PSMA6: variants seen among roughly 807,000 people sequenced by gnomAD.
PSMA6 encodes the protein proteasome 20S subunit alpha 6, also known as proteasome subunit alpha type-6.
For missense variants in PSMA6, 170 were observed against 294.8 expected (o/e 0.58, Z 3.10); for synonymous variants, 88 against 97.7 (o/e 0.90, Z 0.59).
intron 1 of PSMA6, chr14:35,278,754 A>G (rs1427085239): frequency 2.0e-6 from 3 of 1,528,380 alleles, no homozygotes; most frequent in African/African-American, 1.4e-5. Flanking sequence ...CTTGAGATGT[A>G]CTATATTACT....
At chr14:35,312,780 G>T in intron 4 of PSMA6, 101 bp from the exon 5 acceptor site, 1 of 1,069,338 alleles carries the variant, frequency 9.4e-7, no homozygotes, top group Non-Finnish European at 1.3e-6. Context: ...AAAATTGATG[G>T]CCAAAGTCAT....
chr14:35,280,475 G>A (rs761901299), intron 1 of PSMA6, among the ~76,000 whole-genome samples: 65 of 150,210 alleles, frequency 4.3e-4, no homozygotes, highest in Admixed American at 2.1e-3. Context: ...TCCACCTCCC[G>A]GATTCAAGTG....
In PSMA6 at chr14:35,308,938, G is replaced by A; in HGVS notation, c.196G>A (p.Val66Met). Reference sequence around the variant, plus strand: ...GGACAAATTATTGGATTCCAGCACAGTGACTCACTTATTCAAGATAACTGA... The same window carrying A: ...GGACAAATTATTGGATTCCAGCACAATGACTCACTTATTCAAGATAACTGA... ...VPDKLLDSST[V>M]THLFKITENI... The change falls in exon 3 of 7, where the codon GTG (valine) becomes ATG (methionine). Residue 66 changes from valine to methionine, a missense_variant. By Grantham distance (21) the Val-to-Met change is conservative. Transcript: ENST00000261479. 1.2e-6 allele frequency: 2 copies of A among 1,609,300 alleles called. No homozygotes were observed. The highest frequency in any genetic ancestry group is 8.5e-7 in the Non-Finnish European group (1 of 1,177,130).
intron 1 of PSMA6, among the ~76,000 whole-genome samples, chr14:35,303,969 G>A (rs2138736379): frequency 1.3e-5 from 2 of 151,346 alleles, no homozygotes; most frequent in South Asian, 2.1e-4. Flanking sequence ...GTAAGCTAGA[G>A]ATAATTTCTT....
intron 1 of PSMA6, among the ~76,000 whole-genome samples, chr14:35,299,401 C>A (rs1404743949): frequency 1.5e-5 from 2 of 132,022 alleles, no homozygotes; most frequent in Non-Finnish European, 3.1e-5. Flanking sequence ...CGGCTTGCTG[C>A]GACCTCTGTC....
At chr14:35,312,762 C>A in intron 4 of PSMA6, 119 bp from the exon 5 acceptor site, 1 of 842,386 alleles carries the variant, frequency 1.2e-6, no homozygotes, top group Non-Finnish European at 1.8e-6. Flanking sequence ...AAGGAAAATA[C>A]ATATCCTAAA....
upstream of PSMA6, among the ~76,000 whole-genome samples, chr14:35,290,220 A>T (rs768074865): frequency 2.0e-5 from 3 of 152,226 alleles, no homozygotes; most frequent in Non-Finnish European, 4.4e-5. Context: ...GTATAGAGCC[A>T]GCTGTTGAGG....
upstream of PSMA6, among the ~76,000 whole-genome samples, chr14:35,290,902 G>C (rs2051470567): frequency 6.6e-6 from 1 of 152,078 alleles, no homozygotes; most frequent in Admixed American, 6.6e-5. Context: ...AACACTAGCT[G>C]CTCTAAGCCC....
chr14:35,292,448 A>G lies in PSMA6; in HGVS notation c.-29A>G, dbSNP rs771933800. On this transcript the variant is annotated 5_prime_UTR_variant, in exon 1 of 7. Transcript: ENST00000261479. Reference sequence around the variant, plus strand: ...GGTGCGGGAGCTACGGGGCCCAGGGATTGTGTTTAAAGTAGTGCTTCTACC... The same window carrying G: ...GGTGCGGGAGCTACGGGGCCCAGGGGTTGTGTTTAAAGTAGTGCTTCTACC... 6.2e-7 allele frequency: 1 copy of G among 1,604,602 alleles called. No individual in the cohort carries two copies.
At chr14:35,311,194 T>C (rs2051937529) in intron 4 of PSMA6, 1 of 222,050 alleles carries the variant, frequency 4.5e-6, no homozygotes, top group Non-Finnish European at 8.8e-6. Context: ...TCTACTGCAA[T>C]TCGAGATTAC....
intron 1 of PSMA6, 193 bp downstream of exon 1, chr14:35,292,745 G>A: frequency 9.0e-7 from 1 of 1,105,824 alleles, no homozygotes; most frequent in Non-Finnish European, 1.3e-6. Flanking sequence ...GGGGCCTGAA[G>A]GCCTGTCTCT....
chr14:35,314,170 TG>T (rs1391301939), intron 5 of PSMA6, 190 bp from the exon 6 acceptor site: 2 of 452,126 alleles, frequency 4.4e-6, no homozygotes, highest in Non-Finnish European at 6.9e-6. Context: ...CTTTATTATT[TG>T]ACTTGGTAGA....
intron 1 of PSMA6, among the ~76,000 whole-genome samples, chr14:35,286,878 A>AG (rs2051426368): frequency 6.6e-6 from 1 of 152,034 alleles, no homozygotes; most frequent in Non-Finnish European, 1.5e-5. Context: ...TGTTACAGAC[A>AG]AGGGGGCAGA....
In PSMA6 at chr14:35,310,883, C is replaced by T. The variant is rs763862363; in HGVS notation, c.397C>T (p.Pro133Ser). Residue 133 changes from proline to serine, a missense_variant, in exon 4 of 7, where the codon CCT becomes TCT. Physicochemically the swap from Pro to Ser is moderately conservative, Grantham distance 74 (BLOSUM62 -1). Coordinates refer to ENST00000261479, the MANE Select transcript of PSMA6 (RefSeq NM_002791.3). Reference protein sequence around the residue: ...QVYTQNAEMRPLGCCMILIGI... With the variant: ...QVYTQNAEMRSLGCCMILIGI... The stretch of plus-strand genomic sequence containing the variant: ...CTACACACAGAATGCTGAAATGAGG[C>T]CTCTTGGTTGTTGTAAGTATGCTAA... 3 of 1,613,522 alleles carry T rather than the reference C, an allele frequency of 1.9e-6. No individual in the cohort carries two copies. The highest frequency in any genetic ancestry group is 2.2e-5 in the East Asian group (1 of 44,864).
At chr14:35,291,791 C>G (rs112882828), upstream of PSMA6, among the ~76,000 whole-genome samples, 7,052 of 147,046 alleles carry the variant, frequency 0.048, 249 homozygotes, top group African/African-American at 0.096. Flanking sequence ...CCATTGCACT[C>G]CAGCCTGGGC....
At chr14:35,304,314 G>GAAAA (rs2051778975) in intron 1 of PSMA6, among the ~76,000 whole-genome samples, 1 of 152,130 alleles carries the variant, frequency 6.6e-6, no homozygotes, top group African/African-American at 2.4e-5. Flanking sequence ...ATATACATAG[G>GAAAA]CGATGTGCAA....
chr14:35,285,073 T>C (rs565432961), intron 1 of PSMA6, among the ~76,000 whole-genome samples: 1 of 152,076 alleles, frequency 6.6e-6, no homozygotes, highest in East Asian at 1.9e-4. Flanking sequence ...AAAACTGGAG[T>C]CAGGTGCGAT....
At chr14:35,298,824 C>T (rs1452581107) in intron 1 of PSMA6, among the ~76,000 whole-genome samples, 1 of 151,856 alleles carries the variant, frequency 6.6e-6, no homozygotes, top group Non-Finnish European at 1.5e-5. Flanking sequence ...ACTTCCGCCT[C>T]CCAGGTTAAC....
intron 1 of PSMA6, among the ~76,000 whole-genome samples, chr14:35,281,917 G>A (rs913910429): frequency 1.3e-5 from 2 of 152,026 alleles, no homozygotes; most frequent in Admixed American, 6.6e-5. Context: ...CTACATCCAC[G>A]CTGTTCCTTC....
Sources: allele counts gnomAD v4.1 joint callset (sites outside exome capture counted in the v4.1 genomes callset), GRCh38; gene constraint gnomAD v4.1.1; transcripts MANE v1.5; gene names NCBI Gene and HGNC (gene_info 2026-07-23, HGNC 2026-07-21).